The following CACNA2D3 variants were observed in gnomAD, a reference collection of about 807,000 sequenced individuals.
CACNA2D3 encodes the protein voltage-dependent calcium channel subunit alpha-2/delta-3.
Under a neutral mutation model 160.6 loss-of-function variants are expected in CACNA2D3, and 60 were observed. That is an observed-to-expected ratio of 0.37 (90% confidence interval 0.30 to 0.46). The LOEUF (loss-of-function observed/expected upper bound fraction) is 0.46. CACNA2D3 is among the 20% of genes least tolerant of loss of function. The pLI is 1.00. For synonymous variants in CACNA2D3, 558 were observed against 492.9 expected (o/e 1.13, Z -1.75); for missense variants, 1,205 against 1,365.0 (o/e 0.88, Z 1.85).
chr3:54,468,921 C>A (rs1040779620), intron 4 of CACNA2D3, among the ~76,000 whole-genome samples: 1 of 152,138 alleles, frequency 6.6e-6, no homozygotes, highest in Non-Finnish European at 1.5e-5. Context: ...AGGCAGCAGC[C>A]CCGGTTAGGG....
chr3:54,670,834 G>T (rs1700147002), intron 11 of CACNA2D3, among the ~76,000 whole-genome samples: 1 of 152,150 alleles, frequency 6.6e-6, no homozygotes, highest in Non-Finnish European at 1.5e-5. Context: ...TTGATGAGAT[G>T]CATTCCTGGC....
At chr3:54,897,916 G>A (rs1700229089) in intron 26 of CACNA2D3, among the ~76,000 whole-genome samples, 1 of 152,170 alleles carries the variant, frequency 6.6e-6, no homozygotes, top group Non-Finnish European at 1.5e-5. Flanking sequence ...ATTCTTTGCT[G>A]CTTGGGATTT....
At position 54,242,993 on chromosome 3, in the gene CACNA2D3, ACTCTT is replaced by A. The variant is rs1412760584; in HGVS notation, c.205-77445_205-77441del. 6.6e-5 allele frequency among the ~76,000 whole-genome samples: 10 copies of A among 152,194 alleles called. 1 individual carries two copies. The highest frequency in any genetic ancestry group is 6.5e-4 in the Admixed American group (10 of 15,284). ...AATATGGAAAAGCTCTGTAGAAATT[ACTCTT>A]CTCAATAGCAGAGATACAGGAGGAG... On this transcript the variant is annotated intron_variant, in intron 2 of 37. Transcript: ENST00000474759.
At chr3:54,463,666 T>G (rs1392837834) in intron 4 of CACNA2D3, among the ~76,000 whole-genome samples, 1 of 152,076 alleles carries the variant, frequency 6.6e-6, no homozygotes, top group African/African-American at 2.4e-5. Context: ...TAGTTATACA[T>G]TCGTCTAAGT....
chr3:54,787,543 T>C (rs1298041996), intron 13 of CACNA2D3, among the ~76,000 whole-genome samples: 1 of 152,194 alleles, frequency 6.6e-6, no homozygotes, highest in African/African-American at 2.4e-5. Flanking sequence ...AAGGTTTATT[T>C]CATATGCACA....
chr3:54,227,756 G>T (rs534577647), intron 2 of CACNA2D3, among the ~76,000 whole-genome samples: 1 of 152,120 alleles, frequency 6.6e-6, no homozygotes, highest in Admixed American at 6.5e-5. Context: ...GTTTCACCTC[G>T]GCCAGGATGA....
intron 27 of CACNA2D3, among the ~76,000 whole-genome samples, chr3:54,919,169 C>T (rs1700761515): frequency 6.6e-6 from 1 of 152,148 alleles, no homozygotes; most frequent in South Asian, 2.1e-4. Context: ...TCAGAGAAAA[C>T]AATGCAAAAG....
At chr3:54,213,247 A>T (rs1353676244) in intron 2 of CACNA2D3, among the ~76,000 whole-genome samples, 1 of 152,078 alleles carries the variant, frequency 6.6e-6, no homozygotes, top group Non-Finnish European at 1.5e-5. Flanking sequence ...ATTTCTTTTA[A>T]CCTTTTTGGA....
chr3:54,554,870 C>CTTTT (rs66526065), intron 5 of CACNA2D3, among the ~76,000 whole-genome samples: 2,829 of 95,756 alleles, frequency 0.03, 131 homozygotes, highest in East Asian at 0.046. Context: ...CTCTCACTCT[C>CTTTT]TTTTTTTTTT....
intron 4 of CACNA2D3, among the ~76,000 whole-genome samples, chr3:54,400,909 T>A (rs1472657340): frequency 6.6e-6 from 1 of 152,170 alleles, no homozygotes; most frequent in Non-Finnish European, 1.5e-5. Flanking sequence ...GAAAAGGAAA[T>A]TTATGAATTT....
At chr3:54,714,375 G>A (rs1465458842) in intron 11 of CACNA2D3, among the ~76,000 whole-genome samples, 1 of 152,160 alleles carries the variant, frequency 6.6e-6, no homozygotes, top group Non-Finnish European at 1.5e-5. Flanking sequence ...GTGCTCTGGG[G>A]CCGGGGTATC....
intron 11 of CACNA2D3, among the ~76,000 whole-genome samples, chr3:54,689,373 C>T (rs947591956): frequency 3.3e-5 from 5 of 152,078 alleles, no homozygotes; most frequent in African/African-American, 9.7e-5. Flanking sequence ...GTGATCTGGT[C>T]CAGGCCCATT....
chr3:54,268,272 C>G (rs1470543293), intron 2 of CACNA2D3, among the ~76,000 whole-genome samples: 1 of 152,142 alleles, frequency 6.6e-6, no homozygotes, highest in Admixed American at 6.5e-5. Flanking sequence ...AGGGGTCGTT[C>G]GAGCTCTGCT....
At chr3:54,809,947 G>A in intron 13 of CACNA2D3, among the ~76,000 whole-genome samples, 1 of 152,142 alleles carries the variant, frequency 6.6e-6, no homozygotes, top group Non-Finnish European at 1.5e-5. Context: ...TAAAGAGGAA[G>A]ATTACACAGT....
At chr3:54,942,788 G>A (rs1701506408) in intron 27 of CACNA2D3, among the ~76,000 whole-genome samples, 1 of 152,094 alleles carries the variant, frequency 6.6e-6, no homozygotes, top group South Asian at 2.1e-4. Flanking sequence ...GCTTTGGGAG[G>A]CCGAGGCGGG....
At chr3:54,812,470 G>T (rs1463691753) in intron 13 of CACNA2D3, among the ~76,000 whole-genome samples, 1 of 152,172 alleles carries the variant, frequency 6.6e-6, no homozygotes, top group African/African-American at 2.4e-5. Context: ...CAGGATGAGA[G>T]GACAGAACAA....
chr3:54,198,625 G>C (rs1479549637), intron 2 of CACNA2D3, among the ~76,000 whole-genome samples: 2 of 152,268 alleles, frequency 1.3e-5, no homozygotes, highest in African/African-American at 2.4e-5. Flanking sequence ...TGAGCCTCGT[G>C]TGGAATTGTT....
chr3:54,244,421 A>G (rs1279741521), intron 2 of CACNA2D3, among the ~76,000 whole-genome samples: 2 of 152,242 alleles, frequency 1.3e-5, no homozygotes, highest in Admixed American at 1.3e-4. Context: ...ATTTGTTGTT[A>G]TTAAATCAAA....
chr3:54,475,701 T>G (rs540460979), intron 4 of CACNA2D3, among the ~76,000 whole-genome samples: 2 of 152,064 alleles, frequency 1.3e-5, no homozygotes, highest in African/African-American at 4.8e-5. Flanking sequence ...TGAGACATAA[T>G]TGACAAATAA....
Sources: gnomAD v4.1 joint callset for allele counts (sites outside exome capture counted in the v4.1 genomes callset) on GRCh38, gnomAD v4.1.1 for gene constraint, MANE v1.5 for transcripts, NCBI Gene and HGNC (gene_info 2026-07-23, HGNC 2026-07-21) for gene names.